Variants in COL4A3 observed in about 807,000 individuals in gnomAD.
COL4A3 encodes collagen alpha-3(IV) chain.
A neutral mutation model predicts 217.4 loss-of-function variants in COL4A3; 135 were observed. The observed-to-expected ratio is 0.62, with a 90% CI of 0.54 to 0.72. The LOEUF (loss-of-function observed/expected upper bound fraction) is 0.72. Ranked by LOEUF, COL4A3 falls within the 30% of genes least tolerant of loss-of-function variation. The pLI is 0.00. For missense variants in COL4A3, 1,868 were observed against 2,119.9 expected (o/e 0.88, Z 2.33); for synonymous variants, 690 against 736.3 (o/e 0.94, Z 1.02).
At chr2:227,261,223 C>G (rs1388713868) in intron 20 of COL4A3, 106 bp downstream of exon 20, 5 of 1,041,760 alleles carry the variant, frequency 4.8e-6, no homozygotes, top group South Asian at 2.9e-5. Context: ...GTTTCATTAA[C>G]TGATCTAGAA....
At chr2:227,174,741 A>C (rs1321166425) in intron 1 of COL4A3, among the ~76,000 whole-genome samples, 1 of 152,132 alleles carries the variant, frequency 6.6e-6, no homozygotes, top group Non-Finnish European at 1.5e-5. Context: ...TCCTGACCCG[A>C]AGTGATCCGC....
At chr2:227,238,054 A>C (rs1230875675) in intron 2 of COL4A3, 30 bp downstream of exon 2, 1 of 1,417,636 alleles carries the variant, frequency 7.1e-7, no homozygotes, top group East Asian at 2.3e-5. Context: ...CTGCTTGTTT[A>C]CACTGTAAAG....
At position 227,312,000 on chromosome 2, in the gene COL4A3, A is replaced by G; in HGVS notation, c.*130A>G. 10 of 1,473,006 alleles carry G rather than the reference A, an allele frequency of 6.8e-6. No homozygotes were observed. The highest frequency in any genetic ancestry group is 9.2e-6 in the Non-Finnish European group (10 of 1,084,872). The allele number at this position is 1,473,006 out of a possible 1,614,324, so 91.2% of individuals were successfully genotyped here. On this transcript the variant is annotated 3_prime_UTR_variant, in exon 52 of 52. Coordinates refer to ENST00000396578, the MANE Select transcript of COL4A3 (RefSeq NM_000091.5). Reference sequence around the variant, plus strand: ...CATGATGACTTAGTACAAAGTTTCAATTTGTTTCCCCACAAAACAAAGCAA... The same window carrying G: ...CATGATGACTTAGTACAAAGTTTCAGTTTGTTTCCCCACAAAACAAAGCAA...
intron 28 of COL4A3, 58 bp downstream of exon 28, chr2:227,277,611 T>C: frequency 2.1e-6 from 2 of 965,776 alleles, no homozygotes; most frequent in South Asian, 2.8e-5. Context: ...AAGATGTTCA[T>C]ATGTATAAAT....
chr2:227,297,505 A>G (rs575656414), intron 41 of COL4A3, among the ~76,000 whole-genome samples, 169 bp from the exon 42 acceptor site: 2 of 152,320 alleles, frequency 1.3e-5, no homozygotes, highest in African/African-American at 4.8e-5. Flanking sequence ...CAGTTTTTGT[A>G]GCTCTATATT....
Position 227,304,037 on chromosome 2 carries a change from G to A in COL4A3, c.4046G>A (p.Gly1349Asp). 1 of 1,614,112 alleles carries A rather than the reference G, an allele frequency of 6.2e-7. No individual in the cohort carries two copies. The highest frequency in any genetic ancestry group is 1.1e-5 in the South Asian group (1 of 91,076). The stretch of plus-strand genomic sequence containing the variant: ...TCAACAGGTGTACGTGGAGACCCTG[G>A]CACACTTAAGATTATCTCCCTTCCA... ...KGPPGVRGDP[G>D]TLKIISLPGS... Residue 1349 changes from glycine to aspartate, a missense_variant, in exon 46 of 52, where the codon GGC becomes GAC. Gly to Asp is a moderately conservative substitution (Grantham distance 94). Around this residue, in one of 2 missense-constraint regions of COL4A3, gnomAD observed 1,503 missense variants for 1,786.1 expected, o/e 0.84. Transcript: ENST00000396578.
chr2:227,189,585 G>A (rs1239619732), intron 1 of COL4A3, among the ~76,000 whole-genome samples: 1 of 152,156 alleles, frequency 6.6e-6, no homozygotes, highest in Admixed American at 6.5e-5. Flanking sequence ...TAAAAAGCCT[G>A]TCCATTTCAC....
At position 227,164,829 on chromosome 2, in the gene COL4A3, G is replaced by C. The variant is rs1423584938; in HGVS notation, c.87+16G>C. The C allele has an allele frequency of 1.3e-6, 2 of 1,504,416 alleles. No homozygotes were observed. Among genetic ancestry groups the C allele is most frequent in the Non-Finnish European group, 1.8e-6 (2 of 1,133,800 alleles). The allele number at this position is 1,504,416 out of a possible 1,614,324, so 93.2% of individuals were successfully genotyped here. A position where few individuals can be genotyped will look rare whatever the true frequency, so the allele number is the denominator to read the frequency against. ...AGCCAGCAAGGTGAGTGGGGGCTGC[G>C]CGACCCCCACCCCCGCACTTCCATC... On this transcript the variant is annotated intron_variant, in intron 1 of 51. Coordinates refer to ENST00000396578, the MANE Select transcript of COL4A3 (RefSeq NM_000091.5). This position sits in a 1 kb window ranked among gnomAD's most constrained non-coding sequence, Gnocchi z 4.8.
At chr2:227,294,593 T>C in intron 39 of COL4A3, 23 bp downstream of exon 39, 1 of 1,524,984 alleles carries the variant, frequency 6.6e-7, no homozygotes, top group African/African-American at 1.4e-5. Context: ...TACTTTCTCT[T>C]TTTCCTTTTC....
At position 227,240,146 on chromosome 2, in the gene COL4A3, G is replaced by A. The variant is rs776332720; in HGVS notation, c.148G>A (p.Glu50Lys). ...CACCTCGTTTTGGTTTTAACAGGGGGAGAAGGGCTTTCCTGGACCCCCCGG... is the reference window on the plus strand; with the variant it reads ...CACCTCGTTTTGGTTTTAACAGGGGAAGAAGGGCTTTCCTGGACCCCCCGG... Reference protein sequence around the residue: ...FCDGAKGEKGEKGFPGPPGSP... With the variant: ...FCDGAKGEKGKKGFPGPPGSP... Residue 50 changes from glutamate to lysine, a missense_variant, in exon 3 of 52, where the codon GAG (glutamate) becomes AAG (lysine). This residue lies in a region of COL4A3 where 365 missense variants were observed against 333.8 expected (regional missense o/e 1.09). Coordinates refer to ENST00000396578, the MANE Select transcript of COL4A3 (RefSeq NM_000091.5). The A allele has an allele frequency of 9.3e-6, 15 of 1,607,044 alleles. No homozygotes were observed. In the South Asian group the frequency reaches 1.0e-4, roughly 11 times the overall value.
At chr2:227,208,912 G>A (rs1023156576) in intron 1 of COL4A3, among the ~76,000 whole-genome samples, 7 of 152,044 alleles carry the variant, frequency 4.6e-5, no homozygotes, top group Non-Finnish European at 8.8e-5. Flanking sequence ...TTTCAAATAT[G>A]TTAAAATTTT....
chr2:227,174,585 C>T (rs1307956383), intron 1 of COL4A3, among the ~76,000 whole-genome samples: 3 of 152,202 alleles, frequency 2.0e-5, no homozygotes, highest in African/African-American at 7.2e-5. Context: ...CGGCTCACTG[C>T]AAGCTCCACC....
intron 1 of COL4A3, chr2:227,222,600 T>C (rs2067871166): frequency 6.6e-6 from 1 of 152,208 alleles, no homozygotes; most frequent in East Asian, 1.9e-4. Flanking sequence ...GTACGTGTTA[T>C]AAGTCAGTTA....
intron 15 of COL4A3, 102 bp downstream of exon 15, chr2:227,254,817 A>T (rs2070047376): frequency 1.2e-6 from 1 of 855,602 alleles, no homozygotes; most frequent in Admixed American, 1.9e-5. Flanking sequence ...AGCTCAAGCT[A>T]AAAATTTCTG....
chr2:227,284,367 A>G lies in COL4A3; in HGVS notation c.2881+22A>G, dbSNP rs74931600. 20 of 1,608,866 alleles carry G rather than the reference A, an allele frequency of 1.2e-5. No homozygotes were observed. The East Asian group carries it at 4.0e-4, about 32-fold the overall frequency. ...AAAGGTAAAGAATTGCTTGTTTGGA[A>G]TCAGGACATCAGAGCTGATTCTCAG... On this transcript the variant is annotated intron_variant, in intron 34 of 51. Transcript: ENST00000396578.
intron 1 of COL4A3, among the ~76,000 whole-genome samples, chr2:227,195,364 G>A (rs1159198622): frequency 1.3e-5 from 2 of 152,176 alleles, no homozygotes. Context: ...GAATAACAAT[G>A]ATGTTTCAAA....
chr2:227,195,959 T>C (rs2125717097), intron 1 of COL4A3, among the ~76,000 whole-genome samples: 1 of 151,844 alleles, frequency 6.6e-6, no homozygotes, highest in East Asian at 1.9e-4. Flanking sequence ...AATTTAAAAA[T>C]AGAAAAAAGC....
intron 14 of COL4A3, 88 bp downstream of exon 14, chr2:227,254,262 T>A: frequency 8.0e-7 from 1 of 1,243,578 alleles, no homozygotes; most frequent in Non-Finnish European, 1.2e-6. Context: ...TTAAGTTGTT[T>A]TTTTTTTTAA....
chr2:227,182,800 A>C (rs554740107), intron 1 of COL4A3, among the ~76,000 whole-genome samples: 3 of 152,230 alleles, frequency 2.0e-5, no homozygotes, highest in African/African-American at 7.2e-5. Context: ...CAGAATATCA[A>C]TCAAACCCCT....
Sources: gnomAD v4.1 joint callset for allele counts (sites outside exome capture counted in the v4.1 genomes callset) on GRCh38, gnomAD v4.1.1 for gene constraint, gnomAD v4.1.1 regional missense constraint, Gnocchi (gnomAD v3.1) non-coding constraint, MANE v1.5 for transcripts, NCBI Gene and HGNC (gene_info 2026-07-23, HGNC 2026-07-21) for gene names.